ADAMTS3: variants seen among roughly 807,000 people sequenced by gnomAD.
ADAMTS3 encodes the protein A disintegrin and metalloproteinase with thrombospondin motifs 3.
In ADAMTS3, 73 loss-of-function variants were observed where a neutral mutation model predicts 129.0. The ratio of observed to expected loss-of-function variants is 0.57; its 90% CI spans 0.47 to 0.69. ADAMTS3 has a LOEUF of 0.69. Among genes scored for constraint, ADAMTS3 ranks in the 30% least tolerant of loss-of-function variants. The pLI is 0.00. For missense variants in ADAMTS3, 1,457 were observed against 1,514.5 expected (o/e 0.96, Z 0.63); for synonymous variants, 477 against 510.8 (o/e 0.93, Z 0.89).
At chr4:72,375,786 G>A in intron 4 of ADAMTS3, among the ~76,000 whole-genome samples, 1 of 152,260 alleles carries the variant, frequency 6.6e-6, no homozygotes, top group East Asian at 1.9e-4. Flanking sequence ...GTATTCCTGT[G>A]CAAGAATTAT....
intron 3 of ADAMTS3, among the ~76,000 whole-genome samples, chr4:72,509,065 T>G (rs1720240713): frequency 6.6e-6 from 1 of 151,860 alleles, no homozygotes; most frequent in African/African-American, 2.4e-5. Context: ...ATTGAAAAAT[T>G]TCTTGAAACA....
intron 3 of ADAMTS3, among the ~76,000 whole-genome samples, chr4:72,508,683 A>C (rs1420465263): frequency 6.6e-6 from 1 of 152,064 alleles, no homozygotes; most frequent in African/African-American, 2.4e-5. Context: ...TCTTAGGAGG[A>C]ATACTATTTT....
chr4:72,436,860 G>A (rs1717948989), intron 3 of ADAMTS3, among the ~76,000 whole-genome samples: 1 of 151,794 alleles, frequency 6.6e-6, no homozygotes, highest in Admixed American at 6.6e-5. Context: ...CTGTTGTGGG[G>A]TGGGGGGAGT....
At chr4:72,438,395 C>G (rs1718026743) in intron 3 of ADAMTS3, among the ~76,000 whole-genome samples, 1 of 151,636 alleles carries the variant, frequency 6.6e-6, no homozygotes, top group South Asian at 2.1e-4. Context: ...TATTTAATTC[C>G]TTTTAAAACA....
At chr4:72,536,244 T>C (rs1260985544) in intron 3 of ADAMTS3, among the ~76,000 whole-genome samples, 1 of 152,198 alleles carries the variant, frequency 6.6e-6, no homozygotes, top group Non-Finnish European at 1.5e-5. Context: ...AATGGGTTTT[T>C]TATCTTTAGA....
intron 5 of ADAMTS3, among the ~76,000 whole-genome samples, chr4:72,324,849 G>A (rs948400114): frequency 2.0e-5 from 3 of 152,142 alleles, no homozygotes; most frequent in South Asian, 4.1e-4. Context: ...CAGAAAATGT[G>A]TCTTATAAAG....
chr4:72,348,179 A>G (rs2109841045), intron 4 of ADAMTS3, among the ~76,000 whole-genome samples: 1 of 152,180 alleles, frequency 6.6e-6, no homozygotes, highest in East Asian at 1.9e-4. Context: ...CGAGACAAAC[A>G]TGTTGCTTAC....
chr4:72,337,004 G>A (rs892295725), intron 5 of ADAMTS3, among the ~76,000 whole-genome samples: 1 of 152,094 alleles, frequency 6.6e-6, no homozygotes, highest in African/African-American at 2.4e-5. Context: ...ATATGCAATT[G>A]TATGTGCAAT....
intron 4 of ADAMTS3, among the ~76,000 whole-genome samples, chr4:72,344,542 C>T (rs1025507323): frequency 1.3e-5 from 2 of 152,080 alleles, no homozygotes; most frequent in Non-Finnish European, 2.9e-5. Context: ...ATAAACCCAG[C>T]AAAAAGTCAC....
chr4:72,486,079 G>A (rs966968800), intron 3 of ADAMTS3, among the ~76,000 whole-genome samples: 3 of 152,150 alleles, frequency 2.0e-5, no homozygotes, highest in African/African-American at 7.2e-5. Flanking sequence ...AGACTAAGAT[G>A]ATACCTAGTA....
At chr4:72,418,587 T>C (rs1204478771) in intron 3 of ADAMTS3, among the ~76,000 whole-genome samples, 1 of 152,226 alleles carries the variant, frequency 6.6e-6, no homozygotes, top group Non-Finnish European at 1.5e-5. Flanking sequence ...GAAATTTTTA[T>C]GAGCTAGCCC....
At chr4:72,536,378 A>T (rs1270237515) in intron 3 of ADAMTS3, among the ~76,000 whole-genome samples, 1 of 152,202 alleles carries the variant, frequency 6.6e-6, no homozygotes, top group Non-Finnish European at 1.5e-5. Flanking sequence ...AATTTTGTGG[A>T]AGACTATATT....
At chr4:72,291,514 C>T (rs1280539048) in intron 19 of ADAMTS3, among the ~76,000 whole-genome samples, 4 of 149,502 alleles carry the variant, frequency 2.7e-5, no homozygotes, top group African/African-American at 9.8e-5. Flanking sequence ...CGTTTTTTGT[C>T]CTTGCGATAG....
chr4:72,473,237 A>G (rs547741885), intron 3 of ADAMTS3, among the ~76,000 whole-genome samples: 1 of 152,186 alleles, frequency 6.6e-6, no homozygotes, highest in South Asian at 2.1e-4. Flanking sequence ...TGGACCTTAT[A>G]TATATAACAA....
rs141657007 is a variant in ADAMTS3 at position 72,334,217 on chromosome 4, A to G, written c.861+5277T>C. Among the ~76,000 whole-genome samples the G allele has an allele frequency of 2.0e-5, 3 of 152,198 alleles. No individual in the cohort carries two copies. The East Asian group carries it at 5.8e-4, about 29-fold the overall frequency. ...TTATTCTCTTTCCCAGAAAACTGTC[A>G]GTTCCTTGCATAGTTCTTATGTAAC... On this transcript the variant is annotated intron_variant, in intron 5 of 21. Coordinates refer to ENST00000286657, the MANE Select transcript of ADAMTS3 (RefSeq NM_014243.3).
intron 3 of ADAMTS3, among the ~76,000 whole-genome samples, chr4:72,457,350 G>A (rs756148223): frequency 6.6e-6 from 1 of 151,546 alleles, no homozygotes; most frequent in Non-Finnish European, 1.5e-5. Flanking sequence ...GTAGTATAAG[G>A]GAATAAAATC....
rs905262973 is a variant in ADAMTS3, at chr4:72,384,953, G to C, written c.661+29862C>G. On this transcript the variant is annotated intron_variant, in intron 4 of 21. Coordinates refer to ENST00000286657, the MANE Select transcript of ADAMTS3 (RefSeq NM_014243.3). ...GGAGGCCAAGGCGGGCGGATCACAA[G>C]GTCAGGAGATCGAGACCATCCTGGC... Among the ~76,000 whole-genome samples the C allele has an allele frequency of 6.6e-5, 10 of 152,230 alleles. No homozygotes were observed. In the Middle Eastern group the frequency reaches 0.01, roughly 155 times the overall value.
chr4:72,396,587 A>C (rs1721730662), intron 4 of ADAMTS3, among the ~76,000 whole-genome samples: 1 of 152,186 alleles, frequency 6.6e-6, no homozygotes, highest in African/African-American at 2.4e-5. Flanking sequence ...GGAGACGATG[A>C]GGAAGCCTAG....
At chr4:72,456,161 T>A (rs371662841) in intron 3 of ADAMTS3, among the ~76,000 whole-genome samples, 33 of 1,406 alleles carry the variant, frequency 0.023, no homozygotes, top group Non-Finnish European at 0.031. Context: ...TATATATATT[T>A]TATATATAGT....
Sources: allele counts gnomAD v4.1 joint callset (sites outside exome capture counted in the v4.1 genomes callset), GRCh38; gene constraint gnomAD v4.1.1; transcripts MANE v1.5; gene names NCBI Gene and HGNC (gene_info 2026-07-23, HGNC 2026-07-21).